The following SLC26A3 variants were observed in gnomAD, a reference collection of about 807,000 sequenced individuals.
SLC26A3 encodes chloride anion exchanger.
Under a neutral mutation model 85.6 loss-of-function variants are expected in SLC26A3, and 64 were observed. The ratio of observed to expected loss-of-function variants is 0.75; its 90% CI spans 0.61 to 0.92. SLC26A3 has a LOEUF of 0.92. Ranked by LOEUF, SLC26A3 falls within the 40% of genes least tolerant of loss-of-function variation. SLC26A3 has a pLI of 0.00. For missense variants in SLC26A3, 922 were observed against 927.3 expected (o/e 0.99, Z 0.07); for synonymous variants, 349 against 336.0 (o/e 1.04, Z -0.42).
intron 17 of SLC26A3, among the ~76,000 whole-genome samples, chr7:107,773,615 A>C (rs564127856): frequency 6.6e-5 from 10 of 152,282 alleles, no homozygotes; most frequent in Admixed American, 5.2e-4. Flanking sequence ...CAGTGGTGCA[A>C]TTTCGGCTCA....
At chr7:107,785,351 A>G (rs917317214) in intron 8 of SLC26A3, among the ~76,000 whole-genome samples, 4 of 152,186 alleles carry the variant, frequency 2.6e-5, no homozygotes, top group African/African-American at 9.7e-5. Flanking sequence ...GAGCTTACCT[A>G]CTAGGTTACA....
chr7:107,790,238 T>C (rs1794370162), intron 5 of SLC26A3, among the ~76,000 whole-genome samples: 2 of 152,170 alleles, frequency 1.3e-5, no homozygotes, highest in African/African-American at 4.8e-5. Flanking sequence ...TGTTTTGCAA[T>C]CGAGTGAATC....
rs972104634 is a variant in SLC26A3 at position 107,793,919 on chromosome 7, T to C, written c.132-38A>G. ...AAAGCCACAGGTCAGTCAATTAATA[T>C]CAAATTTTAAGTTTAGTACCTGTCG... On this transcript the variant is annotated intron_variant, in intron 2 of 20. Coordinates refer to ENST00000340010, the MANE Select transcript of SLC26A3 (RefSeq NM_000111.3). The C allele has an allele frequency of 3.7e-6, 6 of 1,613,716 alleles. No individual in the cohort carries two copies. The Admixed American group carries it at 5.0e-5, about 13-fold the overall frequency.
chr7:107,782,743 C>T (rs778807198), intron 11 of SLC26A3, 54 bp downstream of exon 11: 33 of 1,505,970 alleles, frequency 2.2e-5, no homozygotes, highest in South Asian at 4.5e-5. Context: ...ATTTAAGAAC[C>T]GGGGTCCTTG....
In SLC26A3 at chr7:107,782,770, AG is replaced by A. The variant is rs1355686680; in HGVS notation, c.1311+26del. 3.1e-6 allele frequency: 5 copies of A among 1,599,694 alleles called. No individual in the cohort carries two copies. The South Asian group carries it at 5.5e-5, about 18-fold the overall frequency. ...GGGTCCTTGATTTACCACTAAAAGT[AG>A]AGATGCTATCCAAAGACAGTGTTAC... On this transcript the variant is annotated intron_variant, in intron 11 of 20. Coordinates refer to ENST00000340010, the MANE Select transcript of SLC26A3 (RefSeq NM_000111.3).
chr7:107,791,403 G>A (rs1225669103), intron 4 of SLC26A3, among the ~76,000 whole-genome samples, 168 bp from the exon 5 acceptor site: 1 of 152,158 alleles, frequency 6.6e-6, no homozygotes, highest in East Asian at 1.9e-4. Flanking sequence ...CCTGAGGTCG[G>A]GAGTTTGAGA....
intron 6 of SLC26A3, 155 bp from the exon 7 acceptor site, chr7:107,787,664 G>A: frequency 1.5e-6 from 1 of 668,836 alleles, no homozygotes. Flanking sequence ...TTGTGAATGT[G>A]AAATTGTAGA....
chr7:107,795,431 A>G (rs556863048), intron 1 of SLC26A3, among the ~76,000 whole-genome samples: 1 of 152,354 alleles, frequency 6.6e-6, no homozygotes, highest in South Asian at 2.1e-4. Flanking sequence ...TATGCTTAAA[A>G]GATCAATTTG....
chr7:107,800,847 G>A (rs1023331682), intron 1 of SLC26A3, among the ~76,000 whole-genome samples: 1 of 152,236 alleles, frequency 6.6e-6, no homozygotes, highest in African/African-American at 2.4e-5. Context: ...TCTTGTGTTA[G>A]ACTTTAAAGA....
rs914015517 is a variant in SLC26A3, at chr7:107,789,356, G to A, written c.735+168C>T. 1.3e-4 allele frequency among the ~76,000 whole-genome samples: 20 copies of A among 151,474 alleles called. 1 individual carries two copies. Among genetic ancestry groups the A allele is most frequent in the South Asian group, 1.3e-3 (6 of 4,774 alleles). On this transcript the variant is annotated intron_variant, in intron 6 of 20. Coordinates refer to ENST00000340010, the MANE Select transcript of SLC26A3 (RefSeq NM_000111.3). ...AGGATGGTCTCGATCTCCTGATCTC[G>A]TGATCCGCCCGCCTCGGCCTCCCAA...
At position 107,789,796 on chromosome 7, in the gene SLC26A3, G is replaced by A. The variant is rs896822546; in HGVS notation, c.571-108C>T. ...TACACAAAACGTAAAGGCTCAACCT[G>A]TATGTACATGCCTTGAAGAAGCAAA... On this transcript the variant is annotated intron_variant, in intron 5 of 20. Transcript: ENST00000340010. 30 of 1,174,018 alleles carry A rather than the reference G, an allele frequency of 2.6e-5. No homozygotes were observed. In the African/African-American group the frequency reaches 4.3e-4, roughly 17 times the overall value. 72.7% of individuals were successfully genotyped at this position (1,174,018 alleles called of 1,614,324 possible).
chr7:107,767,623 A>T lies in SLC26A3; in HGVS notation c.2227T>A (p.Phe743Ile). ...PSQEKDGKIDFTINTNGGLRN... is the reference protein window; with the variant it reads ...PSQEKDGKIDITINTNGGLRN... The stretch of plus-strand genomic sequence containing the variant: ...AATCCTCCATTTGTATTTATGGTAA[A>T]ATCAATTTTTCCATCTTTTTCCTGA... The change falls in exon 20 of 21, where the codon TTT becomes ATT. Residue 743 changes from phenylalanine to isoleucine, a missense_variant. Physicochemically the swap from Phe to Ile is conservative, Grantham distance 21. Transcript: ENST00000340010. The T allele has an allele frequency of 6.2e-7, 1 of 1,611,116 alleles. No homozygotes were observed. The highest frequency in any genetic ancestry group is 8.5e-7 in the Non-Finnish European group (1 of 1,177,480).
chr7:107,787,621 CTGATAG>C, intron 6 of SLC26A3, 112 bp from the exon 7 acceptor site: 1 of 899,456 alleles, frequency 1.1e-6, no homozygotes, highest in Non-Finnish European at 1.7e-6. Flanking sequence ...CTGATAGAGA[CTGATAG>C]TGATTTCCTG....
chr7:107,778,992 T>TC (rs1794174941), intron 12 of SLC26A3, among the ~76,000 whole-genome samples: 1 of 151,392 alleles, frequency 6.6e-6, no homozygotes, highest in African/African-American at 2.4e-5. Context: ...TCCTATCTCT[T>TC]AAAAAAAAAT....
At position 107,794,383 on chromosome 7, in the gene SLC26A3, A is replaced by AAC; in HGVS notation, c.125_126dup (p.Cys43ValfsTer19). On this transcript the variant is annotated frameshift_variant, in exon 2 of 21. Transcript: ENST00000340010. LOFTEE classifies it high-confidence loss of function. Reference sequence around the variant, plus strand: ...ATACCTTAAAAAATATCTTACCTACAACACACTTTGAGATGATCCAGAAAT... The same window carrying AAC: ...ATACCTTAAAAAATATCTTACCTACAACACACACTTTGAGATGATCCAGAAAT... 1 of 1,613,998 alleles carries AAC rather than the reference A, an allele frequency of 6.2e-7. No individual in the cohort carries two copies. The highest frequency in any genetic ancestry group is 8.5e-7 in the Non-Finnish European group (1 of 1,179,916).
chr7:107,786,497 T>C (rs894811550), intron 8 of SLC26A3, among the ~76,000 whole-genome samples: 3 of 151,850 alleles, frequency 2.0e-5, no homozygotes, highest in African/African-American at 7.3e-5. Flanking sequence ...ACTACTTTGC[T>C]AACTTTTACT....
chr7:107,769,669 AC>A (rs1340950259), intron 18 of SLC26A3, among the ~76,000 whole-genome samples: 6 of 151,788 alleles, frequency 4.0e-5, no homozygotes, highest in Non-Finnish European at 8.8e-5. Context: ...TATACAATAA[AC>A]CCCCATGACA....
At chr7:107,789,367 G>A (rs904022787) in intron 6 of SLC26A3, among the ~76,000 whole-genome samples, 157 bp downstream of exon 6, 12 of 151,484 alleles carry the variant, frequency 7.9e-5, no homozygotes, top group East Asian at 3.9e-4. Flanking sequence ...TGATCCGCCC[G>A]CCTCGGCCTC....
In SLC26A3 at chr7:107,793,727, T is replaced by TA. The variant is rs748141043; in HGVS notation, c.271+14dup. 9.4e-6 allele frequency: 15 copies of TA among 1,594,328 alleles called. No individual in the cohort carries two copies. The highest frequency in any genetic ancestry group is 3.4e-5 in the Admixed American group (2 of 59,166). On this transcript the variant is annotated intron_variant, in intron 3 of 20. Transcript: ENST00000340010. ...AATTTTATTGTATATAAATTATACT[T>TA]AAAAAAAATTTTACCTTGTAGTACG...
Sources: gnomAD v4.1 joint callset for allele counts (sites outside exome capture counted in the v4.1 genomes callset) on GRCh38, gnomAD v4.1.1 for gene constraint, MANE v1.5 for transcripts, NCBI Gene and HGNC (gene_info 2026-07-23, HGNC 2026-07-21) for gene names.